The following DACH2 variants were observed in gnomAD, a reference collection of about 807,000 sequenced individuals.
The protein encoded by DACH2 is dachshund homolog 2.
In DACH2, 17 loss-of-function variants were observed where a neutral mutation model predicts 35.8. That is an observed-to-expected ratio of 0.48 (90% CI 0.33 to 0.71). The LOEUF (loss-of-function observed/expected upper bound fraction) is 0.71. DACH2 is among the 30% of genes least tolerant of loss of function. The probability of loss-of-function intolerance (pLI) is 0.02; values close to 1 mark genes in which losing one functional copy is unlikely to be tolerated. For synonymous variants in DACH2, 195 were observed against 177.3 expected, an observed-to-expected ratio of 1.10 and a Z score of -0.79; for missense variants, 469 against 472.7, an observed-to-expected ratio of 0.99 and a Z score of 0.07.
chrX:86,781,380 A>G (rs1208650169), intron 7 of DACH2, among the ~76,000 whole-genome samples: 2 of 111,744 alleles, frequency 1.8e-5, no homozygotes, highest in Non-Finnish European at 3.8e-5. Context: ...GGTTCTCCAT[A>G]TATGGTCAAA....
At chrX:86,203,404 CTAAGTA>C (rs934809378) in intron 1 of DACH2, among the ~76,000 whole-genome samples, 5 of 111,538 alleles carry the variant, frequency 4.5e-5, no homozygotes, top group Admixed American at 9.6e-5. Flanking sequence ...AATCACTTGT[CTAAGTA>C]TGACAGCTAG....
intron 4 of DACH2, among the ~76,000 whole-genome samples, chrX:86,667,189 G>A (rs2148419873): frequency 9.8e-6 from 1 of 102,042 alleles, no homozygotes; most frequent in African/African-American, 3.6e-5. Context: ...CTGGGAGGCA[G>A]AGGTTACAGT....
intron 2 of DACH2, among the ~76,000 whole-genome samples, chrX:86,405,649 T>A (rs2036516054): frequency 9.0e-6 from 1 of 111,535 alleles, no homozygotes; most frequent in African/African-American, 3.3e-5. Context: ...TTCTGACCCC[T>A]CAAAACTGTT....
intron 1 of DACH2, among the ~76,000 whole-genome samples, chrX:86,339,212 A>C (rs1388624829): frequency 8.9e-6 from 1 of 111,893 alleles, no homozygotes; most frequent in Non-Finnish European, 1.9e-5. Context: ...AATATAAAAC[A>C]GGGAGTATCA....
At chrX:86,629,738 T>A (rs1602717571) in intron 3 of DACH2, among the ~76,000 whole-genome samples, 2 of 103,766 alleles carry the variant, frequency 1.9e-5, no homozygotes, top group African/African-American at 3.6e-5. Context: ...AAAAAAAAAA[T>A]TAGCCAGGCT....
chrX:86,692,368 A>C (rs1602794964), intron 4 of DACH2, among the ~76,000 whole-genome samples: 1 of 108,272 alleles, frequency 9.2e-6, no homozygotes, highest in Non-Finnish European at 1.9e-5. Context: ...TCCCCCCTCC[A>C]CCCGCCCCAC....
intron 11 of DACH2, chrX:86,827,685 C>A: frequency 1.2e-6 from 1 of 865,663 alleles, no homozygotes; most frequent in Non-Finnish European, 1.7e-6. Flanking sequence ...TTGTGGTTTT[C>A]AGTGAAGTGC....
chrX:86,367,042 G>T (rs2035816326), intron 1 of DACH2, among the ~76,000 whole-genome samples: 1 of 111,066 alleles, frequency 9.0e-6, no homozygotes, highest in Admixed American at 9.7e-5. Flanking sequence ...TTGAAAGAGA[G>T]AATTAGATTG....
At chrX:86,252,240 T>G (rs7053195) in intron 1 of DACH2, among the ~76,000 whole-genome samples, 2,006 of 111,136 alleles carry the variant, frequency 0.018, 46 homozygotes, top group African/African-American at 0.062. Flanking sequence ...TTCTGGATAT[T>G]AGTCCTTTGC....
chrX:86,168,286 G>A, intron 1 of DACH2, among the ~76,000 whole-genome samples: 1 of 111,201 alleles, frequency 9.0e-6, no homozygotes, highest in South Asian at 3.8e-4. Context: ...TCATTATATA[G>A]TGACCTTCCT....
chrX:86,793,472 C>G (rs1184490327), intron 7 of DACH2, among the ~76,000 whole-genome samples: 1 of 111,415 alleles, frequency 9.0e-6, no homozygotes, highest in Non-Finnish European at 1.9e-5. Flanking sequence ...CCATTTTACT[C>G]TATCTTGAAG....
chrX:86,302,955 A>G (rs1407192313), intron 1 of DACH2, among the ~76,000 whole-genome samples: 6 of 108,340 alleles, frequency 5.5e-5, no homozygotes. Flanking sequence ...AGCAATGCTA[A>G]CACAAACAAT....
At chrX:86,780,060 G>GTGAT (rs2042074690) in intron 7 of DACH2, among the ~76,000 whole-genome samples, 1 of 109,393 alleles carries the variant, frequency 9.1e-6, no homozygotes, top group African/African-American at 3.3e-5. Context: ...CAGCCCAGAA[G>GTGAT]TGATTAAGCT....
At chrX:86,206,464 A>T (rs1329811235) in intron 1 of DACH2, among the ~76,000 whole-genome samples, 1 of 111,759 alleles carries the variant, frequency 8.9e-6, no homozygotes, top group African/African-American at 3.3e-5. Flanking sequence ...TTGATAAAGT[A>T]TGTACTGCAT....
chrX:86,340,572 T>A (rs2035396028), intron 1 of DACH2, among the ~76,000 whole-genome samples: 2 of 111,111 alleles, frequency 1.8e-5, no homozygotes, highest in Admixed American at 1.9e-4. Context: ...GCCCTCTAAG[T>A]GTTCAAGTGA....
chrX:86,368,511 G>A (rs2035838286), intron 1 of DACH2, among the ~76,000 whole-genome samples: 2 of 109,585 alleles, frequency 1.8e-5, no homozygotes, highest in Admixed American at 2.0e-4. Context: ...TCAATTATAA[G>A]CATGTTTGAA....
intron 1 of DACH2, among the ~76,000 whole-genome samples, chrX:86,260,022 C>T (rs1343109121): frequency 9.0e-6 from 1 of 110,511 alleles, no homozygotes; most frequent in Non-Finnish European, 1.9e-5. Flanking sequence ...GAAACGAAAA[C>T]CTCTCAAGTT....
intron 1 of DACH2, among the ~76,000 whole-genome samples, chrX:86,315,623 A>T (rs1015732562): frequency 9.0e-6 from 1 of 111,727 alleles, no homozygotes; most frequent in Non-Finnish European, 1.9e-5. Flanking sequence ...GAGGAGGTCA[A>T]CATCAATAGG....
chrX:86,338,232 G>A (rs2035351738), intron 1 of DACH2, among the ~76,000 whole-genome samples: 2 of 111,558 alleles, frequency 1.8e-5, no homozygotes. Context: ...GACATCTACA[G>A]AACTCTCCAC....
Sources: allele counts gnomAD v4.1 joint callset (sites outside exome capture counted in the v4.1 genomes callset), GRCh38; gene constraint gnomAD v4.1.1; transcripts MANE v1.5; gene names NCBI Gene and HGNC (gene_info 2026-07-23, HGNC 2026-07-21).